ADGRL2: variants seen among roughly 807,000 people sequenced by gnomAD.
ADGRL2 encodes the protein calcium-independent alpha-latrotoxin receptor 2.
ADGRL2 carries 44 observed loss-of-function variants against 157.4 expected under a neutral mutation model. The ratio of observed to expected loss-of-function variants is 0.28; its 90% CI spans 0.22 to 0.36. The LOEUF (loss-of-function observed/expected upper bound fraction) is 0.36, where lower values mean the gene tolerates loss of function less well. Ranked by LOEUF, ADGRL2 falls within the 10% of genes least tolerant of loss-of-function variation. The pLI is 1.00. For missense variants in ADGRL2, 1,510 were observed against 1,768.9 expected (o/e 0.85, Z 2.63); for synonymous variants, 585 against 624.7 (o/e 0.94, Z 0.95).
chr1:81,340,387 G>T (rs1174336965), intron 1 of ADGRL2, among the ~76,000 whole-genome samples: 6 of 152,096 alleles, frequency 3.9e-5, no homozygotes, highest in Non-Finnish European at 8.8e-5. Context: ...CCCAACTTGT[G>T]CTTGCCCCAG....
At chr1:81,422,464 C>T (rs1458073432) in intron 1 of ADGRL2, among the ~76,000 whole-genome samples, 1 of 152,300 alleles carries the variant, frequency 6.6e-6, no homozygotes, top group Admixed American at 6.5e-5. Flanking sequence ...AGGCTGGTCT[C>T]GAACTCCTGA....
intron 3 of ADGRL2, among the ~76,000 whole-genome samples, chr1:81,606,173 AT>A (rs1476794223): frequency 7.2e-5 from 11 of 152,288 alleles, no homozygotes; most frequent in Non-Finnish European, 1.2e-4. Flanking sequence ...TGAAGTGATG[AT>A]AATTTGTAGT....
intron 3 of ADGRL2, among the ~76,000 whole-genome samples, chr1:81,685,251 T>G (rs531978707): frequency 6.6e-6 from 1 of 152,246 alleles, no homozygotes; most frequent in African/African-American, 2.4e-5. Context: ...ACAATATTGA[T>G]TCTACCAATC....
rs555526879 is a variant in ADGRL2 at position 81,459,991 on chromosome 1, A to G, written c.-248+14902A>G. On this transcript the variant is annotated intron_variant, in intron 2 of 24. Coordinates refer to the ADGRL2 transcript ENST00000370721. ...AGTTTGCAAGGGTTTCAATTTCTCC[A>G]GAGCCTCACCAACACTTTGTCTTTT... Among the ~76,000 whole-genome samples, 4 of 152,150 alleles carry G rather than the reference A, an allele frequency of 2.6e-5. No homozygotes were observed. The East Asian group carries it at 5.8e-4, about 22-fold the overall frequency.
At chr1:81,355,592 T>C (rs528121418) in intron 1 of ADGRL2, among the ~76,000 whole-genome samples, 13 of 152,262 alleles carry the variant, frequency 8.5e-5, no homozygotes, top group Admixed American at 2.0e-4. Context: ...TTTATAGTTG[T>C]CCATAAAAGA....
chr1:81,697,436 G>T (rs2083468343), upstream of ADGRL2, among the ~76,000 whole-genome samples: 1 of 152,188 alleles, frequency 6.6e-6, no homozygotes, highest in Non-Finnish European at 1.5e-5. Flanking sequence ...TCTGAGACAT[G>T]CACTAGCACT....
intron 1 of ADGRL2, among the ~76,000 whole-genome samples, chr1:81,327,440 G>T (rs558170495): frequency 6.6e-6 from 1 of 152,258 alleles, no homozygotes; most frequent in South Asian, 2.1e-4. Context: ...GGCAGTCTGT[G>T]CCAGAAACTG....
intron 1 of ADGRL2, among the ~76,000 whole-genome samples, chr1:81,821,244 C>T (rs749226523): frequency 6.6e-6 from 1 of 152,142 alleles, no homozygotes; most frequent in African/African-American, 2.4e-5. Context: ...AGTCCATTGT[C>T]AAACTATTAC....
chr1:81,809,177 G>A (rs904175534), intron 1 of ADGRL2, among the ~76,000 whole-genome samples: 2 of 151,854 alleles, frequency 1.3e-5, no homozygotes, highest in Non-Finnish European at 2.9e-5. Flanking sequence ...CAGACACAGG[G>A]ATTACACCTT....
intron 2 of ADGRL2, among the ~76,000 whole-genome samples, chr1:81,791,470 G>T (rs1232018857): frequency 1.3e-5 from 2 of 152,132 alleles, no homozygotes; most frequent in Non-Finnish European, 2.9e-5. Context: ...CATTATGTGT[G>T]AAATTATGTC....
chr1:81,325,224 A>G (rs530989446), intron 1 of ADGRL2, among the ~76,000 whole-genome samples: 68 of 152,294 alleles, frequency 4.5e-4, no homozygotes, highest in Non-Finnish European at 9.0e-4. Flanking sequence ...AGTCCACGAA[A>G]GAACTGTTTT....
intron 1 of ADGRL2, among the ~76,000 whole-genome samples, chr1:81,317,767 T>A (rs1160140933): frequency 2.6e-5 from 4 of 152,230 alleles, no homozygotes; most frequent in Non-Finnish European, 4.4e-5. Flanking sequence ...GTAGGGGGTC[T>A]GTCTGCATAT....
At chr1:81,930,972 AAAAAAAATAAAAAT>A (rs1245851006) in intron 3 of ADGRL2, among the ~76,000 whole-genome samples, 19 of 152,052 alleles carry the variant, frequency 1.2e-4, no homozygotes, top group Middle Eastern at 6.8e-3. Flanking sequence ...TCTCTACTGG[AAAAAAAATAAAAAT>A]AAAAAAATAA....
chr1:81,823,197 G>C (rs1248311111), intron 1 of ADGRL2, among the ~76,000 whole-genome samples: 1 of 150,818 alleles, frequency 6.6e-6, no homozygotes, highest in Non-Finnish European at 1.5e-5. Context: ...AAAAAATTCT[G>C]TTTCACACGA....
At chr1:81,579,323 A>C (rs1437033276) in intron 2 of ADGRL2, 1 of 152,174 alleles carries the variant, frequency 6.6e-6, no homozygotes, top group Non-Finnish European at 1.5e-5. Context: ...GTTTGGCAAT[A>C]CGAGGGGATG....
At chr1:81,891,299 A>T (rs1181945968) in intron 2 of ADGRL2, among the ~76,000 whole-genome samples, 1 of 151,860 alleles carries the variant, frequency 6.6e-6, no homozygotes, top group Non-Finnish European at 1.5e-5. Flanking sequence ...ATACTTCTTT[A>T]CTTTGGACCT....
Position 81,936,852 on chromosome 1 carries a change from T to C in ADGRL2, c.397+15T>C, listed in dbSNP as rs2095317346. ...TGTCCCTTACAGTAAGTATGCAGTTTATATTTTTTTACACTTTGCCCAGCA... is the reference window on the plus strand; with the variant it reads ...TGTCCCTTACAGTAAGTATGCAGTTCATATTTTTTTACACTTTGCCCAGCA... On this transcript the variant is annotated intron_variant, in intron 4 of 23. Coordinates refer to ENST00000686636, the MANE Select transcript of ADGRL2 (RefSeq NM_001366006.2). The C allele has an allele frequency of 6.8e-7, 1 of 1,470,196 alleles. No individual in the cohort carries two copies. The highest frequency in any genetic ancestry group is 1.4e-5 in the African/African-American group (1 of 71,924). 91.1% of individuals were successfully genotyped at this position (1,470,196 alleles called of 1,614,324 possible). A position where few individuals can be genotyped will look rare whatever the true frequency, so the allele number is the denominator to read the frequency against.
chr1:81,465,004 G>A (rs754226651), intron 2 of ADGRL2, among the ~76,000 whole-genome samples: 29 of 151,370 alleles, frequency 1.9e-4, no homozygotes, highest in Non-Finnish European at 3.1e-4. Context: ...AGAACCAGTC[G>A]CCCACTGTTC....
At chr1:81,579,369 T>A (rs1450522649) in intron 2 of ADGRL2, 5 of 152,172 alleles carry the variant, frequency 3.3e-5, no homozygotes, top group African/African-American at 2.4e-5. Context: ...TGGCACTTGC[T>A]ACTTATTACA....
Sources: gnomAD v4.1 joint callset for allele counts (sites outside exome capture counted in the v4.1 genomes callset) on GRCh38, gnomAD v4.1.1 for gene constraint, MANE v1.5 for transcripts, NCBI Gene and HGNC (gene_info 2026-07-23, HGNC 2026-07-21) for gene names.